HOMER2: variants seen among roughly 807,000 people sequenced by gnomAD.
The protein encoded by HOMER2 is homer protein homolog 2.
Under a neutral mutation model 47.0 loss-of-function variants are expected in HOMER2, and 27 were observed. That is an observed-to-expected ratio of 0.57 (90% CI 0.42 to 0.79). HOMER2 has a LOEUF of 0.79. HOMER2 is among the 30% of genes least tolerant of loss of function. The probability of loss-of-function intolerance (pLI) is 0.00; values close to 1 mark genes in which losing one functional copy is unlikely to be tolerated. For missense variants in HOMER2, 443 were observed against 435.0 expected (o/e 1.02, Z -0.16); for synonymous variants, 161 against 163.8 (o/e 0.98, Z 0.13).
At chr15:82,953,294 C>G (rs2054545688), upstream of HOMER2, among the ~76,000 whole-genome samples, 1 of 152,130 alleles carries the variant, frequency 6.6e-6, no homozygotes, top group Non-Finnish European at 1.5e-5. Context: ...GCTCTGGGCT[C>G]TTTCCTGGAT....
chr15:82,839,853 C>T (rs1349457897), exon 2 of HOMER2: 1 of 152,006 alleles, frequency 6.6e-6, no homozygotes, highest in Non-Finnish European at 1.5e-5. Context: ...CTTCAGTTTC[C>T]TGGAGATATG....
chr15:82,954,551 A>T (rs992671763), upstream of HOMER2, among the ~76,000 whole-genome samples: 14 of 151,432 alleles, frequency 9.2e-5, no homozygotes, highest in African/African-American at 3.4e-4. Flanking sequence ...GGCCTCCCAA[A>T]GGGCTGGGAC....
At chr15:82,893,623 GC>G (rs202189656) in intron 1 of HOMER2, among the ~76,000 whole-genome samples, 38 of 137,744 alleles carry the variant, frequency 2.8e-4, no homozygotes, top group African/African-American at 1.1e-3. Flanking sequence ...AAGCCACTGC[GC>G]CTTTTTTTTT....
downstream of HOMER2, among the ~76,000 whole-genome samples, chr15:82,957,860 C>T (rs1353823608): frequency 6.6e-6 from 1 of 152,168 alleles, no homozygotes; most frequent in African/African-American, 2.4e-5. Context: ...TTATTTAAGA[C>T]GGAGTCTCAC....
chr15:82,923,286 G>C (rs558367589), intron 1 of HOMER2, among the ~76,000 whole-genome samples: 127 of 152,010 alleles, frequency 8.4e-4, no homozygotes, highest in Non-Finnish European at 1.5e-3. Context: ...AGGAGTTCGA[G>C]ACGAGCCTGG....
At chr15:82,851,717 G>A (rs2051402519) in intron 7 of HOMER2, among the ~76,000 whole-genome samples, 1 of 152,154 alleles carries the variant, frequency 6.6e-6, no homozygotes, top group Non-Finnish European at 1.5e-5. Context: ...GAATGCTTCA[G>A]CCCAGTTCAA....
intron 1 of HOMER2, among the ~76,000 whole-genome samples, chr15:82,938,955 C>A (rs1023250596): frequency 1.3e-5 from 2 of 152,214 alleles, no homozygotes; most frequent in Non-Finnish European, 2.9e-5. Flanking sequence ...TCACCGGCTT[C>A]TTTTCCTTCC....
At chr15:82,962,112 CG>C (rs1014102717) in intron 1 of HOMER2, among the ~76,000 whole-genome samples, 2 of 151,534 alleles carry the variant, frequency 1.3e-5, no homozygotes, top group African/African-American at 4.8e-5. Flanking sequence ...GACTCACACC[CG>C]TAATGCCAGC....
At chr15:82,907,832 A>C (rs1430437473) in intron 1 of HOMER2, among the ~76,000 whole-genome samples, 1 of 152,248 alleles carries the variant, frequency 6.6e-6, no homozygotes, top group African/African-American at 2.4e-5. Flanking sequence ...GAGTGGCCAA[A>C]AAGTAGAAAC....
At chr15:82,983,599 T>C (rs1290669982) in intron 1 of HOMER2, among the ~76,000 whole-genome samples, 1 of 151,990 alleles carries the variant, frequency 6.6e-6, no homozygotes, top group Non-Finnish European at 1.5e-5. Flanking sequence ...TTTCTTTCTT[T>C]TTTTTTTTAG....
At chr15:82,836,776 T>C (rs1417527102), downstream of HOMER2, among the ~76,000 whole-genome samples, 1 of 152,220 alleles carries the variant, frequency 6.6e-6, no homozygotes, top group African/African-American at 2.4e-5. Flanking sequence ...AGGCAGGTGG[T>C]AACGGCAGCC....
chr15:82,917,027 C>G (rs572672179), intron 1 of HOMER2, among the ~76,000 whole-genome samples: 26 of 152,182 alleles, frequency 1.7e-4, no homozygotes, highest in Non-Finnish European at 3.5e-4. Flanking sequence ...GCCTCGATCT[C>G]TTGACCTTGT....
chr15:82,901,339 G>A (rs1486163781), intron 1 of HOMER2, among the ~76,000 whole-genome samples: 4 of 152,152 alleles, frequency 2.6e-5, no homozygotes, highest in East Asian at 3.9e-4. Context: ...CTCTGAGGAC[G>A]CAGGATAGGT....
At chr15:82,875,525 T>C in intron 2 of HOMER2, 121 bp from the exon 3 acceptor site, 1 of 1,032,142 alleles carries the variant, frequency 9.7e-7, no homozygotes, top group Non-Finnish European at 1.4e-6. Flanking sequence ...CCTGTTAAAT[T>C]TGGTCCCGCG....
intron 1 of HOMER2, among the ~76,000 whole-genome samples, chr15:82,907,642 A>C (rs2053327789): frequency 6.6e-6 from 1 of 152,188 alleles, no homozygotes; most frequent in South Asian, 2.1e-4. Context: ...TATAATTGGC[A>C]CCTACAGACT....
chr15:82,911,683 G>T (rs1373024943), intron 1 of HOMER2, among the ~76,000 whole-genome samples: 1 of 152,182 alleles, frequency 6.6e-6, no homozygotes, highest in East Asian at 1.9e-4. Flanking sequence ...AGAACAGTTG[G>T]CAAGTATAGA....
intron 2 of HOMER2, among the ~76,000 whole-genome samples, chr15:82,879,680 T>C (rs1006520487): frequency 5.9e-5 from 9 of 152,242 alleles, no homozygotes; most frequent in African/African-American, 2.2e-4. Flanking sequence ...TCGATCCTGA[T>C]GGTTGCTGAC....
chr15:82,880,762 AG>A (rs1292288988), intron 2 of HOMER2, among the ~76,000 whole-genome samples: 3 of 152,136 alleles, frequency 2.0e-5, no homozygotes, highest in African/African-American at 7.2e-5. Context: ...TGAGAAGTAA[AG>A]GGGTCACCGG....
At chr15:82,896,476 C>A (rs2052922181) in intron 1 of HOMER2, among the ~76,000 whole-genome samples, 1 of 152,150 alleles carries the variant, frequency 6.6e-6, no homozygotes, top group Non-Finnish European at 1.5e-5. Flanking sequence ...CCTCGGGACC[C>A]CCAAGTAGAA....
Sources: allele counts gnomAD v4.1 joint callset (sites outside exome capture counted in the v4.1 genomes callset), GRCh38; gene constraint gnomAD v4.1.1; transcripts MANE v1.5; gene names NCBI Gene and HGNC (gene_info 2026-07-23, HGNC 2026-07-21).